Variants in IL23R observed in about 807,000 individuals in gnomAD.
IL23R encodes the protein interleukin 23 receptor.
IL23R carries 34 observed loss-of-function variants against 56.9 expected under a neutral mutation model. The ratio of observed to expected loss-of-function variants is 0.60; its 90% CI spans 0.45 to 0.80. The LOEUF is 0.80. IL23R is among the 30% of genes least tolerant of loss of function. IL23R has a pLI of 0.00. For missense variants in IL23R, 635 were observed against 730.0 expected (o/e 0.87, Z 1.50); for synonymous variants, 230 against 249.2 (o/e 0.92, Z 0.73).
intron 1 of IL23R, among the ~76,000 whole-genome samples, chr1:67,150,248 C>T (rs1439665653): frequency 1.8e-5 from 2 of 110,266 alleles, no homozygotes; most frequent in Non-Finnish European, 1.8e-5. Flanking sequence ...GCATTTCGAA[C>T]TTTTTTTTTT....
intron 5 of IL23R, among the ~76,000 whole-genome samples, chr1:67,204,102 C>T (rs1025736938): frequency 1.3e-5 from 2 of 151,970 alleles, no homozygotes; most frequent in East Asian, 1.9e-4. Flanking sequence ...CTCGCTCTGT[C>T]GCCCAGGCTG....
At chr1:67,222,688 T>C (rs940447230) in intron 7 of IL23R, among the ~76,000 whole-genome samples, 2 of 152,228 alleles carry the variant, frequency 1.3e-5, no homozygotes, top group Admixed American at 1.3e-4. Flanking sequence ...TAATTAGCGC[T>C]ACTTTACAAA....
At chr1:67,154,123 C>A (rs1198331451) in intron 1 of IL23R, among the ~76,000 whole-genome samples, 1 of 152,170 alleles carries the variant, frequency 6.6e-6, no homozygotes, top group East Asian at 1.9e-4. Flanking sequence ...GTCTGAGAGA[C>A]TGTTTGTTAT....
intron 6 of IL23R, among the ~76,000 whole-genome samples, chr1:67,214,373 C>T (rs1052227987): frequency 6.6e-6 from 1 of 152,330 alleles, no homozygotes; most frequent in African/African-American, 2.4e-5. Context: ...TCAAAAAAAT[C>T]TGGCTTGACC....
rs1228183682 is a variant in IL23R, at chr1:67,259,406, T to G, written c.*278T>G. On this transcript the variant is annotated 3_prime_UTR_variant, in exon 11 of 11. Transcript: ENST00000347310. ...CATGTAAGAATTCCCGGGAGCTCCA[T>G]GCCTTTTTAATTTTAGCCATTCTTC... 1 of 424,066 alleles carries G rather than the reference T, an allele frequency of 2.4e-6. No individual in the cohort carries two copies. The allele number at this position is 424,066 out of a possible 1,614,324, so 26.3% of individuals were successfully genotyped here.
chr1:67,160,137 G>C (rs1646805693), intron 1 of IL23R, among the ~76,000 whole-genome samples: 1 of 152,084 alleles, frequency 6.6e-6, no homozygotes, highest in African/African-American at 2.4e-5. Flanking sequence ...ACAGGCATGA[G>C]CCACCGCGCC....
intron 4 of IL23R, among the ~76,000 whole-genome samples, chr1:67,200,062 C>T (rs750788647): frequency 4.6e-5 from 7 of 152,260 alleles, no homozygotes; most frequent in South Asian, 2.1e-4. Context: ...GTTTTTGAGA[C>T]GGAGTCTCGC....
intron 3 of IL23R, among the ~76,000 whole-genome samples, chr1:67,178,409 G>T (rs1326030366): frequency 6.6e-6 from 1 of 152,028 alleles, no homozygotes; most frequent in Non-Finnish European, 1.5e-5. Flanking sequence ...TTTTGATTTG[G>T]CTCTCCATTT....
intron 4 of IL23R, 132 bp from the exon 5 acceptor site, chr1:67,200,605 G>C: frequency 1.3e-6 from 1 of 766,214 alleles, no homozygotes; most frequent in Non-Finnish European, 2.2e-6. Flanking sequence ...GGCTGGTCTC[G>C]AACTCCTGAC....
intron 4 of IL23R, among the ~76,000 whole-genome samples, chr1:67,184,554 TAAATAAAATAAAATAAATAAAATA>T (rs1292929309): frequency 2.3e-5 from 3 of 130,890 alleles, no homozygotes; most frequent in East Asian, 2.2e-4. Flanking sequence ...TCTCAAAAAA[TAAATAAAATAAAATAAATAAAATA>T]AAATAAAATA....
At chr1:67,247,209 A>G (rs187662410) in intron 9 of IL23R, among the ~76,000 whole-genome samples, 34 of 151,196 alleles carry the variant, frequency 2.2e-4, no homozygotes, top group Admixed American at 2.1e-3. Flanking sequence ...GTTTTTGCAC[A>G]TGAGATGGGT....
chr1:67,209,555 G>A (rs549615721), intron 6 of IL23R, among the ~76,000 whole-genome samples: 1 of 152,242 alleles, frequency 6.6e-6, no homozygotes, highest in East Asian at 1.9e-4. Flanking sequence ...TCTTGCTGCT[G>A]CCATGTTAAG....
At chr1:67,183,710 G>C (rs59534774) in intron 4 of IL23R, among the ~76,000 whole-genome samples, 1 of 152,058 alleles carries the variant, frequency 6.6e-6, no homozygotes, top group Non-Finnish European at 1.5e-5. Context: ...GGCTTTTAAA[G>C]TGTATATAAT....
At chr1:67,148,095 A>C (rs1022794902) in intron 1 of IL23R, among the ~76,000 whole-genome samples, 1 of 152,256 alleles carries the variant, frequency 6.6e-6, no homozygotes, top group Admixed American at 6.5e-5. Context: ...GAACCTGGGC[A>C]CTTAGCCGTG....
chr1:67,256,792 GCT>G (rs1652976473), intron 10 of IL23R, among the ~76,000 whole-genome samples: 1 of 152,112 alleles, frequency 6.6e-6, no homozygotes. Context: ...AATAGAAGTG[GCT>G]CTGTTTCAAG....
chr1:67,162,476 GA>G (rs994038764), upstream of IL23R, among the ~76,000 whole-genome samples: 7 of 150,606 alleles, frequency 4.6e-5, no homozygotes, highest in African/African-American at 7.3e-5. Context: ...GACAGAGAAA[GA>G]AAAAAAAATC....
intron 1 of IL23R, among the ~76,000 whole-genome samples, chr1:67,141,375 A>AAAAG (rs1646636018): frequency 3.9e-5 from 6 of 152,170 alleles, no homozygotes; most frequent in African/African-American, 1.4e-4. Flanking sequence ...AACATGGCCA[A>AAAAG]AAGACTTTTT....
At chr1:67,262,083 A>G (rs796283282), downstream of IL23R, among the ~76,000 whole-genome samples, 5 of 152,332 alleles carry the variant, frequency 3.3e-5, no homozygotes, top group African/African-American at 1.2e-4. Context: ...CTTTATCACA[A>G]TGCAAACTTC....
At chr1:67,183,674 T>G (rs1647197281) in intron 4 of IL23R, among the ~76,000 whole-genome samples, 1 of 152,220 alleles carries the variant, frequency 6.6e-6, no homozygotes, top group Non-Finnish European at 1.5e-5. Context: ...ACACACAGGT[T>G]TGTTCTAATT....
Sources: gnomAD v4.1 joint callset for allele counts (sites outside exome capture counted in the v4.1 genomes callset) on GRCh38, gnomAD v4.1.1 for gene constraint, MANE v1.5 for transcripts, NCBI Gene and HGNC (gene_info 2026-07-23, HGNC 2026-07-21) for gene names.